TBXAS1: variants seen among roughly 807,000 people sequenced by gnomAD.
TBXAS1 encodes thromboxane-A synthase.
TBXAS1 carries 48 observed loss-of-function variants against 60.7 expected under a neutral mutation model. That is an observed-to-expected ratio of 0.79 (90% CI 0.63 to 1.01). TBXAS1 has a LOEUF of 1.01. Ranked by LOEUF, TBXAS1 falls within the 50% of genes least tolerant of loss-of-function variation. The probability of loss-of-function intolerance (pLI) is 0.00; values close to 1 mark genes in which losing one functional copy is unlikely to be tolerated. For missense variants in TBXAS1, 685 were observed against 686.3 expected, an observed-to-expected ratio of 1.00 and a Z score of 0.02; for synonymous variants, 287 against 269.7, an observed-to-expected ratio of 1.06 and a Z score of -0.63.
intron 1 of TBXAS1, among the ~76,000 whole-genome samples, chr7:139,861,489 C>T (rs986059845): frequency 2.0e-5 from 3 of 149,520 alleles, no homozygotes; most frequent in Non-Finnish European, 3.0e-5. Flanking sequence ...TCAAGTGATC[C>T]TTGACCTCCT....
chr7:140,003,450 C>G (rs1813836444), intron 9 of TBXAS1, among the ~76,000 whole-genome samples: 1 of 152,108 alleles, frequency 6.6e-6, no homozygotes, highest in Non-Finnish European at 1.5e-5. Context: ...GGTGATCCAC[C>G]CACCTCGGCC....
chr7:139,905,803 C>T (rs1805029444), intron 3 of TBXAS1, among the ~76,000 whole-genome samples: 1 of 152,130 alleles, frequency 6.6e-6, no homozygotes, highest in Admixed American at 6.5e-5. Context: ...CATGTCTTTT[C>T]ATCTTCTTAA....
intron 9 of TBXAS1, among the ~76,000 whole-genome samples, chr7:139,991,083 G>A (rs566602357): frequency 3.5e-4 from 53 of 152,334 alleles, no homozygotes; most frequent in African/African-American, 1.2e-3. Context: ...TGGCTGGAAC[G>A]ACGCAGAAGC....
At chr7:139,990,465 C>T (rs952795197) in intron 9 of TBXAS1, among the ~76,000 whole-genome samples, 49 of 152,270 alleles carry the variant, frequency 3.2e-4, no homozygotes, top group Admixed American at 1.8e-3. Context: ...GACTTGGCCA[C>T]GCCCAGAGCC....
chr7:139,798,458 A>C (rs1238941306), intron 4 of TBXAS1, among the ~76,000 whole-genome samples: 1 of 152,218 alleles, frequency 6.6e-6, no homozygotes, highest in African/African-American at 2.4e-5. Flanking sequence ...CATATGGCTC[A>C]CAAGGTACAC....
chr7:139,890,869 T>A (rs6464431), intron 3 of TBXAS1, among the ~76,000 whole-genome samples: 32,255 of 152,088 alleles, frequency 0.21, 3,708 homozygotes, highest in South Asian at 0.38. Flanking sequence ...CCATCCCCAA[T>A]AGTCAACCAT....
At chr7:140,015,128 A>G (rs1186217121) in intron 10 of TBXAS1, among the ~76,000 whole-genome samples, 1 of 152,208 alleles carries the variant, frequency 6.6e-6, no homozygotes, top group Non-Finnish European at 1.5e-5. Context: ...AATCAATGAC[A>G]TAGACAGACC....
intron 10 of TBXAS1, among the ~76,000 whole-genome samples, chr7:140,011,771 C>T (rs1020943926): frequency 6.6e-6 from 1 of 152,014 alleles, no homozygotes; most frequent in Non-Finnish European, 1.5e-5. Flanking sequence ...GCTGGTTGCA[C>T]AATGAATGTA....
chr7:139,916,823 G>A lies in TBXAS1; in HGVS notation c.333+5502G>A, dbSNP rs559601848. Among the ~76,000 whole-genome samples, 36 of 152,346 alleles carry A rather than the reference G, an allele frequency of 2.4e-4. No homozygotes were observed. The highest frequency in any genetic ancestry group is 6.7e-4 in the African/African-American group (28 of 41,578). On this transcript the variant is annotated intron_variant, in intron 4 of 12. Transcript: ENST00000448866. This position sits in a 1 kb window ranked among gnomAD's most constrained non-coding sequence, Gnocchi z 4.2. ...ACAGGTGAGTCAGACGCCCTTGTGC[G>A]GGGGCCACAGGGACCCGCCTGCTGG...
chr7:139,807,590 G>A (rs1382058259), intron 4 of TBXAS1, among the ~76,000 whole-genome samples: 1 of 151,994 alleles, frequency 6.6e-6, no homozygotes, highest in East Asian at 1.9e-4. Context: ...TCACCATGTT[G>A]GCCAGGATGG....
At chr7:139,950,685 C>T (rs193956) in intron 5 of TBXAS1, among the ~76,000 whole-genome samples, 5 of 148,692 alleles carry the variant, frequency 3.4e-5, no homozygotes, top group Admixed American at 2.0e-4. Context: ...ACGGGACCCC[C>T]TCGCCCTCCA....
chr7:139,854,290 G>T (rs571622606), intron 1 of TBXAS1, among the ~76,000 whole-genome samples: 4 of 152,264 alleles, frequency 2.6e-5, no homozygotes, highest in East Asian at 1.9e-4. Context: ...TGTGAGTCAT[G>T]CAAGATTGCC....
intron 9 of TBXAS1, among the ~76,000 whole-genome samples, chr7:139,977,786 G>A (rs1811670576): frequency 6.6e-6 from 1 of 152,100 alleles, no homozygotes; most frequent in South Asian, 2.1e-4. Context: ...ATGGTTATCA[G>A]CACCACCACC....
rs116739991 is a variant in TBXAS1, at chr7:139,803,971, C to T, written c.-80+16545C>T. Among the ~76,000 whole-genome samples, 1,089 of 152,316 alleles carry T rather than the reference C, an allele frequency of 7.1e-3. 11 individuals carry two copies. The highest frequency in any genetic ancestry group is 0.025 in the African/African-American group (1,023 of 41,570). On this transcript the variant is annotated intron_variant, in intron 4 of 16. Transcript: ENST00000336425. The stretch of plus-strand genomic sequence containing the variant: ...GCAGAAAAGAAATGTGGGTTTGGAA[C>T]CCCCACATGGAGTCCCCTCTAGGGC...
At position 139,953,379 on chromosome 7, in the gene TBXAS1, C is replaced by T; in HGVS notation, c.462C>T (p.Leu154=). The change falls in exon 6 of 13, where the codon CTC becomes CTT. Residue 154 remains leucine (L), a synonymous_variant. Transcript: ENST00000448866. ...TTATCCATTATCAGATGGTTCCCCT[C>T]ATCAGCCAAGCCTGCGACCTTCTCC... is the stretch of plus-strand genomic sequence containing the variant. The part of the protein sequence containing the change: ...SPEKLNEMVP[L]ISQACDLLLA... 1.2e-6 allele frequency: 2 copies of T among 1,614,098 alleles called. No individual in the cohort carries two copies. Among genetic ancestry groups the T allele is most frequent in the Non-Finnish European group, 1.7e-6 (2 of 1,179,914 alleles).
At chr7:139,783,348 T>C (rs1401424930) in intron 3 of TBXAS1, among the ~76,000 whole-genome samples, 1 of 103,442 alleles carries the variant, frequency 9.7e-6, no homozygotes, top group Admixed American at 1.0e-4. Context: ...AAAGGAAATA[T>C]GGCAAAAAAA....
At chr7:139,931,175 C>G (rs1201047759) in intron 4 of TBXAS1, among the ~76,000 whole-genome samples, 1 of 152,154 alleles carries the variant, frequency 6.6e-6, no homozygotes, top group Non-Finnish European at 1.5e-5. Context: ...AAATGCTCCT[C>G]TGTGTTTCCT....
At chr7:139,846,839 G>T (rs1799841404) in intron 1 of TBXAS1, among the ~76,000 whole-genome samples, 1 of 152,202 alleles carries the variant, frequency 6.6e-6, no homozygotes, top group Non-Finnish European at 1.5e-5. Flanking sequence ...GTCACCAATG[G>T]TGTGGTGGGG....
At chr7:140,006,997 A>C (rs1814124922) in intron 9 of TBXAS1, 94 bp from the exon 10 acceptor site, 1 of 1,243,482 alleles carries the variant, frequency 8.0e-7, no homozygotes, top group African/African-American at 1.5e-5. Context: ...TGTTTGCCAA[A>C]GTTGGAAACG....
Sources: gnomAD v4.1 joint callset for allele counts (sites outside exome capture counted in the v4.1 genomes callset) on GRCh38, gnomAD v4.1.1 for gene constraint, Gnocchi (gnomAD v3.1) non-coding constraint, MANE v1.5 for transcripts, NCBI Gene and HGNC (gene_info 2026-07-23, HGNC 2026-07-21) for gene names.